UNC13B: variants seen among roughly 807,000 people sequenced by gnomAD.
UNC13B encodes unc-13 homolog B.
UNC13B carries 144 observed loss-of-function variants against 211.0 expected under a neutral mutation model. That is an observed-to-expected ratio of 0.68 (90% CI 0.60 to 0.78). The LOEUF (loss-of-function observed/expected upper bound fraction) is 0.78. Among genes scored for constraint, UNC13B ranks in the 30% least tolerant of loss-of-function variants. UNC13B has a pLI of 0.00. For synonymous variants in UNC13B, 709 were observed against 725.8 expected (o/e 0.98, Z 0.37); for missense variants, 1,777 against 2,002.0 (o/e 0.89, Z 2.14).
intron 24 of UNC13B, among the ~76,000 whole-genome samples, chr9:35,388,629 A>T (rs1489611790): frequency 1.3e-5 from 2 of 152,202 alleles, no homozygotes; most frequent in Admixed American, 1.3e-4. Flanking sequence ...TGAGGATTAG[A>T]TAGGATAATG....
chr9:35,165,860 C>A (rs1821009924), intron 1 of UNC13B, among the ~76,000 whole-genome samples: 1 of 151,946 alleles, frequency 6.6e-6, no homozygotes, highest in Non-Finnish European at 1.5e-5. Flanking sequence ...TTTGGGCTTC[C>A]ATAGGGACCA....
chr9:35,298,839 G>C (rs1587568538), intron 8 of UNC13B, among the ~76,000 whole-genome samples: 1 of 152,212 alleles, frequency 6.6e-6, no homozygotes, highest in South Asian at 2.1e-4. Context: ...TTTTAAGGTG[G>C]GCATGTAGCT....
Position 35,237,722 on chromosome 9 carries a change from C to T in UNC13B, c.290C>T (p.Ser97Phe), listed in dbSNP as rs2131534388. Residue 97 changes from serine (S) to phenylalanine (F), a missense_variant, in exon 5 of 40, where the codon TCC becomes TTC. Transcript: ENST00000635942. ...TCCTAGGAAGGGCCTGGGGAATGGT[C>T]CACATTAGAGGCAGAGACGTTAATG... ...QSDEEGPGEW[S>F]TLEAETLMKD... 2.5e-6 allele frequency: 4 copies of T among 1,613,626 alleles called. No homozygotes were observed. Among genetic ancestry groups the T allele is most frequent in the Non-Finnish European group, 3.4e-6 (4 of 1,179,880 alleles).
chr9:35,376,067 T>C lies in UNC13B; in HGVS notation c.9655T>C (p.Tyr3219His). The change falls in exon 15 of 40, where the codon TAC becomes CAC. Residue 3219 changes from tyrosine to histidine, a missense_variant. Transcript: ENST00000635942. ...VYKKTLQALIYPISCTTPHNF... is the reference protein window; with the variant it reads ...VYKKTLQALIHPISCTTPHNF... ...TAAGAAAACCCTGCAGGCCTTAATC[T>C]ACCCCATTTCGTGCACCACTCCTCA... 1 of 1,614,232 alleles carries C rather than the reference T, an allele frequency of 6.2e-7. No individual in the cohort carries two copies. The highest frequency in any genetic ancestry group is 8.5e-7 in the Non-Finnish European group (1 of 1,180,038).
In UNC13B at chr9:35,301,299, A is replaced by G. The variant is rs1009817661; in HGVS notation, c.1895A>G (p.Gln632Arg). 1.7e-4 allele frequency: 68 copies of G among 398,736 alleles called. No individual in the cohort carries two copies. Among genetic ancestry groups the G allele is most frequent in the Middle Eastern group, 6.2e-4 (1 of 1,610 alleles). 24.7% of individuals were successfully genotyped at this position (398,736 alleles called of 1,614,324 possible). ...MGNKTGSLYF[Q>R]NTTESIAKDL... ...AATAAAACTGGGAGTTTATACTTTCAGAATACAACAGAAAGTATTGCAAAG... is the reference window on the plus strand; with the variant it reads ...AATAAAACTGGGAGTTTATACTTTCGGAATACAACAGAAAGTATTGCAAAG... The change falls in exon 9 of 40, where the codon CAG becomes CGG. Residue 632 changes from glutamine (Q) to arginine (R), a missense_variant. Physicochemically the swap from Gln to Arg is conservative, Grantham distance 43. Coordinates refer to ENST00000635942, the MANE Select transcript of UNC13B (RefSeq NM_001371189.2).
intron 1 of UNC13B, among the ~76,000 whole-genome samples, chr9:35,175,030 C>T (rs1421318805): frequency 6.6e-6 from 1 of 151,138 alleles, no homozygotes; most frequent in African/African-American, 2.4e-5. Context: ...ACTCCTGGGA[C>T]TCAAGTGATC....
rs545892623 is a variant in UNC13B at position 35,372,161 on chromosome 9, A to G, written c.9540+1765A>G. 5.3e-5 allele frequency among the ~76,000 whole-genome samples: 8 copies of G among 152,298 alleles called. 1 individual carries two copies. In the South Asian group the frequency reaches 1.7e-3, roughly 32 times the overall value. On this transcript the variant is annotated intron_variant, in intron 13 of 39. Coordinates refer to ENST00000635942, the MANE Select transcript of UNC13B (RefSeq NM_001371189.2). Reference sequence around the variant, plus strand: ...GTGGCGAGTACCTGTAATCTCAGCTACTTGGGAGGCTGAGGCAGGAGAATC... The same window carrying G: ...GTGGCGAGTACCTGTAATCTCAGCTGCTTGGGAGGCTGAGGCAGGAGAATC...
chr9:35,192,335 C>T (rs530677118), intron 1 of UNC13B, among the ~76,000 whole-genome samples: 1 of 152,284 alleles, frequency 6.6e-6, no homozygotes, highest in South Asian at 2.1e-4. Flanking sequence ...TCTCTATTTT[C>T]TCTTTTCCCT....
intron 1 of UNC13B, among the ~76,000 whole-genome samples, chr9:35,193,006 G>T (rs1319307163): frequency 1.3e-5 from 2 of 152,170 alleles, no homozygotes; most frequent in Non-Finnish European, 2.9e-5. Context: ...ATGGTTGCAG[G>T]TGTGACCCCC....
In UNC13B at chr9:35,236,546, C is replaced by G; in HGVS notation, c.230C>G (p.Thr77Ser). 1 of 1,614,062 alleles carries G rather than the reference C, an allele frequency of 6.2e-7. No homozygotes were observed. Among genetic ancestry groups the G allele is most frequent in the Non-Finnish European group, 8.5e-7 (1 of 1,179,984 alleles). ...KGLIWDTMVG[T>S]VWIALKTIRQ... ...CTGATCTGGGACACCATGGTGGGGA[C>G]TGTGTGGATTGCGCTGAAGACTATT... The change falls in exon 4 of 40, where the codon ACT becomes AGT. Residue 77 changes from threonine to serine, a missense_variant. Thr to Ser is a moderately conservative substitution (Grantham distance 58, BLOSUM62 1). Coordinates refer to ENST00000635942, the MANE Select transcript of UNC13B (RefSeq NM_001371189.2).
chr9:35,366,623 T>C (rs1006785067), intron 11 of UNC13B, among the ~76,000 whole-genome samples: 3 of 152,190 alleles, frequency 2.0e-5, no homozygotes, highest in African/African-American at 7.2e-5. Flanking sequence ...TAGGCCCTTC[T>C]CCTGTGCTTG....
chr9:35,366,874 T>C, intron 11 of UNC13B, 73 bp from the exon 12 acceptor site: 1 of 1,309,302 alleles, frequency 7.6e-7, no homozygotes, highest in Non-Finnish European at 1.1e-6. Context: ...TGTACTCTAC[T>C]GCTCGCTGCT....
intron 6 of UNC13B, among the ~76,000 whole-genome samples, chr9:35,256,839 G>T (rs1365670624): frequency 6.6e-6 from 1 of 151,930 alleles, no homozygotes; most frequent in Non-Finnish European, 1.5e-5. Context: ...AATGAAATTG[G>T]CCTGTAATTT....
In UNC13B at chr9:35,216,064, T is replaced by G. The variant is rs772602483; in HGVS notation, c.23-11951T>G. ...TATCAAGTTAAGTTGATTTTAGGAA[T>G]AAAAGAGTGGTTTATCATCTGAAAA... On this transcript the variant is annotated intron_variant, in intron 1 of 39. Transcript: ENST00000635942. Among the ~76,000 whole-genome samples, 3 of 152,186 alleles carry G rather than the reference T, an allele frequency of 2.0e-5. No homozygotes were observed. In the South Asian group the frequency reaches 6.2e-4, roughly 31 times the overall value.
intron 6 of UNC13B, among the ~76,000 whole-genome samples, chr9:35,258,069 G>C (rs945244390): frequency 9.2e-5 from 14 of 152,198 alleles, no homozygotes; most frequent in Admixed American, 9.2e-4. Flanking sequence ...GGCCTTGCAC[G>C]TAGTGGATAC....
chr9:35,343,422 A>G (rs1481416061), intron 11 of UNC13B, among the ~76,000 whole-genome samples: 1 of 152,190 alleles, frequency 6.6e-6, no homozygotes, highest in African/African-American at 2.4e-5. Context: ...GGAAGCATCT[A>G]TTGAGGTAAC....
intron 24 of UNC13B, among the ~76,000 whole-genome samples, chr9:35,387,701 T>C (rs1835274055): frequency 6.6e-6 from 1 of 152,250 alleles, no homozygotes; most frequent in Non-Finnish European, 1.5e-5. Context: ...TCTTTTAAAA[T>C]TTCCATCTGT....
In UNC13B at chr9:35,353,933, C is replaced by T. The variant is rs913202591; in HGVS notation, c.9415-13014C>T. On this transcript the variant is annotated intron_variant, in intron 11 of 39. Transcript: ENST00000635942. ...GTTGGTTGACGTCCATAGCTTGAAT[C>T]AGGCTAAATTACTCAAGTAGAGAGC... 3 of 530,540 alleles carry T rather than the reference C, an allele frequency of 5.7e-6. No homozygotes were observed. The African/African-American group carries it at 5.9e-5, about 10-fold the overall frequency. 32.9% of individuals were successfully genotyped at this position (530,540 alleles called of 1,614,324 possible). A position where few individuals can be genotyped will look rare whatever the true frequency, so the allele number is the denominator to read the frequency against.
intron 14 of UNC13B, 108 bp downstream of exon 14, chr9:35,375,309 C>T: frequency 8.4e-7 from 1 of 1,184,268 alleles, no homozygotes; most frequent in Admixed American, 1.7e-5. Flanking sequence ...GAGTGCTGGA[C>T]ACACATTGCT....
Sources: allele counts gnomAD v4.1 joint callset (sites outside exome capture counted in the v4.1 genomes callset), GRCh38; gene constraint gnomAD v4.1.1; transcripts MANE v1.5; gene names NCBI Gene and HGNC (gene_info 2026-07-23, HGNC 2026-07-21).